Variants in TRPC3 observed in about 807,000 individuals in gnomAD.
TRPC3 encodes the protein transient receptor potential cation channel subfamily C member 3, also known as short transient receptor potential channel 3.
Under a neutral mutation model 90.9 loss-of-function variants are expected in TRPC3, and 54 were observed. The observed-to-expected ratio is 0.59, with a 90% CI of 0.48 to 0.75. TRPC3 has a LOEUF of 0.75. Among genes scored for constraint, TRPC3 ranks in the 30% least tolerant of loss-of-function variants. TRPC3 has a pLI of 0.00. For synonymous variants in TRPC3, 424 were observed against 450.9 expected (o/e 0.94, Z 0.75); for missense variants, 918 against 1,194.5 (o/e 0.77, Z 3.41).
At chr4:121,943,108 A>G (rs1056345362) in intron 1 of TRPC3, among the ~76,000 whole-genome samples, 1 of 152,178 alleles carries the variant, frequency 6.6e-6, no homozygotes, top group Non-Finnish European at 1.5e-5. Context: ...ATGGTGATGA[A>G]TATCTATTGG....
intron 6 of TRPC3, 150 bp from the exon 7 acceptor site, chr4:121,907,717 T>A (rs1224458545): frequency 3.6e-6 from 3 of 825,738 alleles, no homozygotes. Flanking sequence ...GTCCAGGGAC[T>A]ATTTTCATCT....
chr4:121,930,223 T>C lies in TRPC3; in HGVS notation c.987+2048A>G, dbSNP rs1289207631. ...GGAGACTATAATTTCTAAAGAACTG[T>C]CCTAATTTTGGCTCAGAGAGGGCTA... On this transcript the variant is annotated intron_variant, in intron 2 of 11. Transcript: ENST00000379645. Among the ~76,000 whole-genome samples, 8 of 152,136 alleles carry C rather than the reference T, an allele frequency of 5.3e-5. No homozygotes were observed. The South Asian group carries it at 1.7e-3, about 32-fold the overall frequency.
chr4:121,911,765 G>A (rs1414313569), intron 5 of TRPC3, 112 bp downstream of exon 5: 2 of 1,082,284 alleles, frequency 1.8e-6, no homozygotes, highest in African/African-American at 3.2e-5. Context: ...TCTTGCAACA[G>A]TGATGTTGTC....
At chr4:121,945,917 A>G (rs1490109364) in intron 1 of TRPC3, among the ~76,000 whole-genome samples, 1 of 152,232 alleles carries the variant, frequency 6.6e-6, no homozygotes, top group Admixed American at 6.5e-5. Context: ...AAAGAATGCT[A>G]TAAAAAAGAA....
intron 10 of TRPC3, among the ~76,000 whole-genome samples, chr4:121,895,628 T>C (rs186726314): frequency 4.5e-4 from 68 of 152,080 alleles, no homozygotes; most frequent in Admixed American, 2.2e-3. Context: ...TCTACCAAGA[T>C]TGAACCAAGA....
intron 1 of TRPC3, among the ~76,000 whole-genome samples, chr4:121,937,511 C>G (rs1730170504): frequency 6.6e-6 from 1 of 152,224 alleles, no homozygotes; most frequent in Admixed American, 6.5e-5. Context: ...AAGTAGGCAG[C>G]CTACAGAAAT....
chr4:121,887,900 G>C (rs1045670802), intron 10 of TRPC3, among the ~76,000 whole-genome samples: 4 of 151,728 alleles, frequency 2.6e-5, no homozygotes, highest in African/African-American at 9.7e-5. Context: ...ATCACGCCCA[G>C]TTAAAAAAAA....
chr4:121,891,029 G>A (rs993737331), intron 10 of TRPC3, among the ~76,000 whole-genome samples: 3 of 152,020 alleles, frequency 2.0e-5, no homozygotes, highest in African/African-American at 7.2e-5. Flanking sequence ...TGTATGCCAG[G>A]AAAAATTGAT....
In TRPC3 at chr4:121,932,329, G is replaced by A. The variant is rs200027824; in HGVS notation, c.929C>T (p.Thr310Met). The A allele has an allele frequency of 1.2e-6, 2 of 1,614,160 alleles. No individual in the cohort carries two copies. The highest frequency in any genetic ancestry group is 1.3e-5 in the African/African-American group (1 of 75,044). Reference protein sequence around the residue: ...LSLSSEDPVLTALELSNELAK... With the variant: ...LSLSSEDPVLMALELSNELAK... ...CAGCTCGTTGCTGAGCTCTAGGGCC[G>A]TAAGCACCGGGTCCTCGCTGGACAA... Residue 310 changes from threonine (T) to methionine (M), a missense_variant, in exon 2 of 12, where the codon ACG becomes ATG. Thr to Met is a moderately conservative substitution (Grantham distance 81, BLOSUM62 -1). Coordinates refer to ENST00000379645, the MANE Select transcript of TRPC3 (RefSeq NM_001130698.2). The surrounding 1 kb of genome is among the most constrained non-coding windows in gnomAD (Gnocchi z 7.7).
At position 121,925,076 on chromosome 4, in the gene TRPC3, T is replaced by C. The variant is rs764572646; in HGVS notation, c.1118A>G (p.His373Arg). The C allele has an allele frequency of 1.2e-6, 2 of 1,614,110 alleles. No homozygotes were observed. Reference protein sequence around the residue: ...DLESAEPLEVHRHKASLSRVK... With the variant: ...DLESAEPLEVRRHKASLSRVK... ...ACGACTTAATGAAGCTTTGTGCCTG[T>C]GTACCTCCAGAGGCTCTGCTGATTC... Residue 373 changes from histidine (H) to arginine (R), a missense_variant, in exon 3 of 12, where the codon CAC becomes CGC. This residue lies in a region of TRPC3 where 609 missense variants were observed against 725.9 expected (regional missense o/e 0.84). Coordinates refer to ENST00000379645, the MANE Select transcript of TRPC3 (RefSeq NM_001130698.2).
At position 121,911,922 on chromosome 4, in the gene TRPC3, TG is replaced by T. The variant is rs756257657; in HGVS notation, c.1512del (p.Thr505ProfsTer9). 1 of 1,613,826 alleles carries T rather than the reference TG, an allele frequency of 6.2e-7. No individual in the cohort carries two copies. Among genetic ancestry groups the T allele is most frequent in the Non-Finnish European group, 8.5e-7 (1 of 1,179,796 alleles). On this transcript the variant is annotated frameshift_variant, in exon 5 of 12. Transcript: ENST00000379645. LOFTEE classifies it high-confidence loss of function. ...DYPKQIFRVK[T>X]TQFTWTEMLI... The stretch of plus-strand genomic sequence containing the variant: ...AGCATTTCAGTCCATGTAAACTGGG[TG>T]GTTTTCACCCTGAAGATCTGTTTGG...
chr4:121,916,903 C>T (rs966846569), intron 3 of TRPC3, among the ~76,000 whole-genome samples: 18 of 151,744 alleles, frequency 1.2e-4, no homozygotes, highest in Non-Finnish European at 1.9e-4. Context: ...TTAGTAGAGA[C>T]GGGGTTTCTC....
At chr4:121,929,330 TG>T (rs1301298630) in intron 2 of TRPC3, among the ~76,000 whole-genome samples, 2 of 152,166 alleles carry the variant, frequency 1.3e-5, no homozygotes, top group Non-Finnish European at 2.9e-5. Context: ...AAGGTGAAAT[TG>T]TTTTTTTACT....
chr4:121,908,762 G>T (rs1255894144), intron 6 of TRPC3, among the ~76,000 whole-genome samples: 1 of 152,046 alleles, frequency 6.6e-6, no homozygotes, highest in African/African-American at 2.4e-5. Context: ...CATCTATTGG[G>T]TATATGCTCA....
intron 10 of TRPC3, among the ~76,000 whole-genome samples, chr4:121,884,505 G>T (rs550340845): frequency 2.6e-5 from 4 of 152,126 alleles, no homozygotes; most frequent in African/African-American, 9.6e-5. Flanking sequence ...GTATATAAAA[G>T]ATAACAAAGG....
intron 10 of TRPC3, among the ~76,000 whole-genome samples, chr4:121,890,440 C>T (rs1728285615): frequency 6.6e-6 from 1 of 151,538 alleles, no homozygotes; most frequent in African/African-American, 2.4e-5. Context: ...CATAAGTATG[C>T]ATAATTATAA....
At chr4:121,904,627 C>T (rs1251234954) in intron 7 of TRPC3, 110 bp from the exon 8 acceptor site, 1 of 613,512 alleles carries the variant, frequency 1.6e-6, no homozygotes, top group Non-Finnish European at 2.6e-6. Flanking sequence ...TAAAATGCCA[C>T]CATAATATAC....
At chr4:121,918,530 T>A (rs775024850) in intron 3 of TRPC3, among the ~76,000 whole-genome samples, 2 of 152,220 alleles carry the variant, frequency 1.3e-5, no homozygotes, top group Non-Finnish European at 2.9e-5. Context: ...ATGGCATATA[T>A]GTGATGGTCA....
Position 121,931,851 on chromosome 4 carries a change from C to T in TRPC3, c.987+420G>A, listed in dbSNP as rs72919972. On this transcript the variant is annotated intron_variant, in intron 2 of 11. Coordinates refer to ENST00000379645, the MANE Select transcript of TRPC3 (RefSeq NM_001130698.2). ...CACACACCTAGTATTGCAGGACATCCAGACACGGTATACTCCCTCAGGGGA... is the reference window on the plus strand; with the variant it reads ...CACACACCTAGTATTGCAGGACATCTAGACACGGTATACTCCCTCAGGGGA... Among the ~76,000 whole-genome samples, 633 of 152,300 alleles carry T rather than the reference C, an allele frequency of 4.2e-3. 3 individuals carry two copies. The highest frequency in any genetic ancestry group is 0.015 in the African/African-American group (614 of 41,558).
Sources: gnomAD v4.1 joint callset for allele counts (sites outside exome capture counted in the v4.1 genomes callset) on GRCh38, gnomAD v4.1.1 for gene constraint, gnomAD v4.1.1 regional missense constraint, Gnocchi (gnomAD v3.1) non-coding constraint, MANE v1.5 for transcripts, NCBI Gene and HGNC (gene_info 2026-07-23, HGNC 2026-07-21) for gene names.